The following UBE4A variants were observed in gnomAD, a reference collection of about 807,000 sequenced individuals.
UBE4A encodes the protein ubiquitination factor E4A, also known as ubiquitin conjugation factor E4 A.
A neutral mutation model predicts 117.9 loss-of-function variants in UBE4A; 48 were observed. The observed-to-expected ratio is 0.41, with a 90% CI of 0.32 to 0.52. UBE4A has a LOEUF of 0.52. UBE4A is among the 20% of genes least tolerant of loss of function. The pLI is 0.33. For synonymous variants in UBE4A, 407 were observed against 450.0 expected, an observed-to-expected ratio of 0.90 and a Z score of 1.21; for missense variants, 1,067 against 1,296.3, an observed-to-expected ratio of 0.82 and a Z score of 2.72.
chr11:118,367,132 A>G (rs1424145218), intron 2 of UBE4A, among the ~76,000 whole-genome samples: 4 of 151,412 alleles, frequency 2.6e-5, no homozygotes, highest in Non-Finnish European at 5.9e-5. Flanking sequence ...CCTGGGAGGT[A>G]GAGGTTGCGG....
chr11:118,391,281 G>C (rs561127523), intron 18 of UBE4A, among the ~76,000 whole-genome samples: 75 of 152,196 alleles, frequency 4.9e-4, no homozygotes, highest in African/African-American at 1.7e-3. Context: ...TTGAGGTCAG[G>C]AGTTCAACAC....
chr11:118,380,576 T>A (rs2134099664), intron 11 of UBE4A, among the ~76,000 whole-genome samples: 1 of 152,090 alleles, frequency 6.6e-6, no homozygotes, highest in South Asian at 2.1e-4. Context: ...CAGGACCCTG[T>A]CTCAGAAAAT....
At chr11:118,394,430 G>A (rs1948849429) in intron 19 of UBE4A, among the ~76,000 whole-genome samples, 1 of 152,100 alleles carries the variant, frequency 6.6e-6, no homozygotes, top group African/African-American at 2.4e-5. Flanking sequence ...CCAAAGTGCT[G>A]GGATTACAGG....
At chr11:118,377,237 C>T (rs1215467884) in intron 10 of UBE4A, among the ~76,000 whole-genome samples, 3 of 152,084 alleles carry the variant, frequency 2.0e-5, no homozygotes, top group East Asian at 1.9e-4. Context: ...AATGGATTTT[C>T]GCTCTTGTCA....
intron 16 of UBE4A, 72 bp downstream of exon 16, chr11:118,386,684 C>G: frequency 4.2e-6 from 6 of 1,435,192 alleles, no homozygotes; most frequent in Non-Finnish European, 4.6e-6. Context: ...GGGATCAGCC[C>G]AGCTGAAACT....
At chr11:118,394,796 A>G (rs1948853967) in intron 19 of UBE4A, among the ~76,000 whole-genome samples, 1 of 151,616 alleles carries the variant, frequency 6.6e-6, no homozygotes, top group East Asian at 1.9e-4. Flanking sequence ...AAATTAAGTT[A>G]TATCTCTACA....
intron 2 of UBE4A, among the ~76,000 whole-genome samples, chr11:118,366,926 G>A (rs1193001051): frequency 5.3e-5 from 8 of 152,104 alleles, no homozygotes; most frequent in African/African-American, 1.2e-4. Context: ...AAAATTAGTC[G>A]GGCATGATGA....
intron 10 of UBE4A, chr11:118,378,378 T>C (rs1948672165): frequency 6.6e-6 from 1 of 152,136 alleles, no homozygotes; most frequent in South Asian, 2.1e-4. Flanking sequence ...AGACATTAGA[T>C]AAAGAAGATT....
intron 8 of UBE4A, among the ~76,000 whole-genome samples, chr11:118,373,898 G>C (rs1347232098): frequency 6.6e-6 from 1 of 152,138 alleles, no homozygotes; most frequent in Non-Finnish European, 1.5e-5. Context: ...CTTGAGCCCA[G>C]GAGTTCAATT....
chr11:118,369,397 C>G, intron 3 of UBE4A, 26 bp from the exon 4 acceptor site: 1 of 1,543,918 alleles, frequency 6.5e-7, no homozygotes, highest in African/African-American at 1.4e-5. Context: ...TTATCCTTAA[C>G]CTATCATATT....
chr11:118,393,966 TATCAGCTG>T (rs1555129111), intron 19 of UBE4A, among the ~76,000 whole-genome samples: 1 of 152,168 alleles, frequency 6.6e-6, no homozygotes, highest in Non-Finnish European at 1.5e-5. Context: ...GCTGTTGTTG[TATCAGCTG>T]TGGTAACCAT....
chr11:118,383,588 CAAAAAAAAA>C (rs11375309), intron 13 of UBE4A, among the ~76,000 whole-genome samples: 3 of 54,220 alleles, frequency 5.5e-5, no homozygotes, highest in African/African-American at 2.1e-4. Context: ...AAATCCCTCT[CAAAAAAAAA>C]AAAAAAAAAA....
chr11:118,360,065 A>G (rs1023959894), intron 1 of UBE4A, among the ~76,000 whole-genome samples: 5 of 152,266 alleles, frequency 3.3e-5, no homozygotes, highest in African/African-American at 7.2e-5. Flanking sequence ...ACAAATAGGC[A>G]GATGCCAAGA....
Position 118,373,612 on chromosome 11 carries a change from A to G in UBE4A, c.1043A>G (p.Asn348Ser). 1.2e-6 allele frequency: 2 copies of G among 1,614,176 alleles called. No homozygotes were observed. Among genetic ancestry groups the G allele is most frequent in the Non-Finnish European group, 1.7e-6 (2 of 1,180,034 alleles). Residue 348 changes from asparagine (N) to serine (S), a missense_variant, in exon 8 of 20, where the codon AAT (asparagine) becomes AGT (serine). This residue lies in a region of UBE4A where 1,001 missense variants were observed against 1,184.0 expected (regional missense o/e 0.85). Coordinates refer to ENST00000252108, the MANE Select transcript of UBE4A (RefSeq NM_001204077.2). ...CLLKTPGVVE[N>S]HGYFLNPSRS... is the part of the protein sequence containing the mutation. Reference sequence around the variant, plus strand: ...TTAAAGACTCCGGGTGTTGTAGAAAATCATGGCTACTTTTTGAATCCATCT... The same window carrying G: ...TTAAAGACTCCGGGTGTTGTAGAAAGTCATGGCTACTTTTTGAATCCATCT...
chr11:118,365,050 T>C lies in UBE4A; in HGVS notation c.-31T>C. 1 of 1,609,028 alleles carries C rather than the reference T, an allele frequency of 6.2e-7. No individual in the cohort carries two copies. ...CTGTCCTTTGAACAGCCTCTCCCAC[T>C]AGGTCTGGATGGAGGATACCTTAAA... On this transcript the variant is annotated 5_prime_UTR_variant, in exon 2 of 20. Transcript: ENST00000252108.
intron 15 of UBE4A, among the ~76,000 whole-genome samples, chr11:118,386,004 G>A (rs539798905): frequency 1.3e-5 from 2 of 152,144 alleles, no homozygotes; most frequent in Non-Finnish European, 2.9e-5. Context: ...GTTCTTCCAC[G>A]CATCTTGCAT....
intron 4 of UBE4A, 111 bp downstream of exon 4, chr11:118,369,646 CTTTTT>C (rs758717041): frequency 3.1e-3 from 1,501 of 489,782 alleles, no homozygotes; most frequent in Middle Eastern, 4.6e-3. Context: ...ATCCCTCTCT[CTTTTT>C]TTTTTTTTTT....
chr11:118,390,797 G>A lies in UBE4A; in HGVS notation c.2909G>A (p.Arg970Lys). ...ATGGCTTTCAGCAACTTGGCAGAGA[G>A]AATCAAGGTGAGGAAGAGGAGGAAT... is the stretch of plus-strand genomic sequence containing the variant. Reference protein sequence around the residue: ...MIMAFSNLAERIKSLADLQQQ... With the variant: ...MIMAFSNLAEKIKSLADLQQQ... Residue 970 changes from arginine to lysine, a missense_variant, in exon 18 of 20, where the codon AGA (arginine) becomes AAA (lysine). This residue lies in a region of UBE4A where 1,001 missense variants were observed against 1,184.0 expected (regional missense o/e 0.85). Transcript: ENST00000252108. 6.2e-7 allele frequency: 1 copy of A among 1,610,060 alleles called. No individual in the cohort carries two copies. The highest frequency in any genetic ancestry group is 8.5e-7 in the Non-Finnish European group (1 of 1,177,746).
At chr11:118,381,104 G>A (rs1555126258) in intron 11 of UBE4A, among the ~76,000 whole-genome samples, 2 of 152,038 alleles carry the variant, frequency 1.3e-5, no homozygotes, top group African/African-American at 2.4e-5. Flanking sequence ...ACATCTGAAG[G>A]GTTTAAACCA....
Sources: gnomAD v4.1 joint callset for allele counts (sites outside exome capture counted in the v4.1 genomes callset) on GRCh38, gnomAD v4.1.1 for gene constraint, gnomAD v4.1.1 regional missense constraint, MANE v1.5 for transcripts, NCBI Gene and HGNC (gene_info 2026-07-23, HGNC 2026-07-21) for gene names.